CSMD3: variants seen among roughly 807,000 people sequenced by gnomAD.
CSMD3 encodes the protein CUB and Sushi multiple domains 3.
CSMD3 carries 177 observed loss-of-function variants against 435.2 expected under a neutral mutation model. The observed-to-expected ratio is 0.41, with a 90% CI of 0.36 to 0.46. The LOEUF (loss-of-function observed/expected upper bound fraction) is 0.46, where lower values mean the gene tolerates loss of function less well. Among genes scored for constraint, CSMD3 ranks in the 20% least tolerant of loss-of-function variants. The probability of loss-of-function intolerance (pLI) is 0.34; values close to 1 mark genes in which losing one functional copy is unlikely to be tolerated. For missense variants in CSMD3, 4,265 were observed against 4,504.6 expected, an observed-to-expected ratio of 0.95 and a Z score of 1.52; for synonymous variants, 1,656 against 1,520.5, an observed-to-expected ratio of 1.09 and a Z score of -2.07.
chr8:113,341,443 A>C (rs551600391), intron 1 of CSMD3, among the ~76,000 whole-genome samples: 1 of 152,316 alleles, frequency 6.6e-6, no homozygotes, highest in Admixed American at 6.5e-5. Context: ...TCAACAGTTC[A>C]AGGCAATATT....
At chr8:112,543,322 G>A (rs1034516824) in intron 27 of CSMD3, among the ~76,000 whole-genome samples, 1 of 152,000 alleles carries the variant, frequency 6.6e-6, no homozygotes, top group African/African-American at 2.4e-5. Flanking sequence ...TGGAATGGGA[G>A]AAAATATTTT....
chr8:112,242,647 T>C (rs1257332024), intron 65 of CSMD3, among the ~76,000 whole-genome samples: 4 of 152,084 alleles, frequency 2.6e-5, no homozygotes, highest in Admixed American at 6.6e-5. Flanking sequence ...TGTGTAACTA[T>C]AGGATGGTAA....
chr8:112,611,102 G>C (rs1484432666), intron 22 of CSMD3, among the ~76,000 whole-genome samples: 1 of 152,168 alleles, frequency 6.6e-6, no homozygotes, highest in African/African-American at 2.4e-5. Context: ...AACAAAATCA[G>C]TATGTGAACA....
intron 59 of CSMD3, among the ~76,000 whole-genome samples, chr8:112,273,424 A>G (rs1206032261): frequency 6.6e-6 from 1 of 152,102 alleles, no homozygotes; most frequent in African/African-American, 2.4e-5. Flanking sequence ...TGTAGGCCCT[A>G]TCTGCAAGTA....
chr8:112,868,795 A>C lies in CSMD3; in HGVS notation c.1634-9529T>G, dbSNP rs538853482. Among the ~76,000 whole-genome samples the C allele has an allele frequency of 8.5e-5, 13 of 152,274 alleles. No individual in the cohort carries two copies. In the South Asian group the frequency reaches 2.5e-3, roughly 29 times the overall value. ...GTCTCTTCAACAAGTGGTGTTGAGA[A>C]AATTGAATATCCACTTGCAAAATAA... is the stretch of plus-strand genomic sequence containing the variant. On this transcript the variant is annotated intron_variant, in intron 10 of 70. Coordinates refer to ENST00000297405, the MANE Select transcript of CSMD3 (RefSeq NM_198123.2).
At chr8:112,816,923 AAC>A (rs1309808339) in intron 12 of CSMD3, among the ~76,000 whole-genome samples, 2 of 151,982 alleles carry the variant, frequency 1.3e-5, no homozygotes. Context: ...AGCCTAAACT[AAC>A]ATATTTCTGA....
chr8:113,244,924 G>T (rs530925653), intron 3 of CSMD3, among the ~76,000 whole-genome samples: 2 of 151,848 alleles, frequency 1.3e-5, no homozygotes, highest in Non-Finnish European at 2.9e-5. Flanking sequence ...TTGTTATATT[G>T]TTCCTGTTAC....
chr8:112,863,856 A>C (rs1454556886), intron 10 of CSMD3, among the ~76,000 whole-genome samples: 1 of 105,808 alleles, frequency 9.5e-6, no homozygotes, highest in Non-Finnish European at 1.8e-5. Flanking sequence ...GAAAAATAGA[A>C]ATAGTAGAAA....
At chr8:113,250,827 T>C (rs2093328244) in intron 3 of CSMD3, among the ~76,000 whole-genome samples, 1 of 152,060 alleles carries the variant, frequency 6.6e-6, no homozygotes, top group Non-Finnish European at 1.5e-5. Flanking sequence ...AGAGTGACTG[T>C]TGCTCACAGC....
Position 113,043,569 on chromosome 8 carries a change from A to G in CSMD3, c.918-24390T>C, listed in dbSNP as rs867857376. On this transcript the variant is annotated intron_variant, in intron 5 of 70. Coordinates refer to ENST00000297405, the MANE Select transcript of CSMD3 (RefSeq NM_198123.2). ...ATATTCCCCCTTCCCTATTTCATCCACACTGTTTTAAAGCCTTTGACTGAC... is the reference window on the plus strand; with the variant it reads ...ATATTCCCCCTTCCCTATTTCATCCGCACTGTTTTAAAGCCTTTGACTGAC... Among the ~76,000 whole-genome samples the G allele has an allele frequency of 1.1e-4, 17 of 151,460 alleles. No individual in the cohort carries two copies. In the South Asian group the frequency reaches 1.5e-3, roughly 13 times the overall value.
At chr8:112,318,797 A>G (rs955112682) in intron 47 of CSMD3, 40 bp downstream of exon 47, 2 of 1,352,860 alleles carry the variant, frequency 1.5e-6, no homozygotes, top group Non-Finnish European at 2.1e-6. Context: ...ACATAAAGCA[A>G]ATATTTAAGA....
At chr8:113,399,106 T>TATATAAAC (rs773585004) in intron 1 of CSMD3, among the ~76,000 whole-genome samples, 1 of 95,096 alleles carries the variant, frequency 1.1e-5, no homozygotes, top group Non-Finnish European at 2.0e-5. Context: ...TATATATATA[T>TATATAAAC]ACACACACAC....
chr8:112,830,518 A>G, intron 11 of CSMD3, among the ~76,000 whole-genome samples: 1 of 152,250 alleles, frequency 6.6e-6, no homozygotes, highest in African/African-American at 2.4e-5. Flanking sequence ...TATAATATTG[A>G]AAAAATGTAA....
intron 6 of CSMD3, among the ~76,000 whole-genome samples, chr8:113,008,828 AACCT>A (rs1387845750): frequency 6.6e-5 from 10 of 151,402 alleles, no homozygotes; most frequent in South Asian, 2.1e-4. Flanking sequence ...AATTGCTAAC[AACCT>A]ATTTATTATA....
At chr8:112,844,504 C>T (rs1054854786) in intron 11 of CSMD3, among the ~76,000 whole-genome samples, 1 of 151,954 alleles carries the variant, frequency 6.6e-6, no homozygotes, top group African/African-American at 2.4e-5. Flanking sequence ...TTTGAAGCAA[C>T]ATCAAGGAAT....
chr8:112,704,872 G>T (rs1203938498), intron 13 of CSMD3, among the ~76,000 whole-genome samples: 2 of 152,052 alleles, frequency 1.3e-5, no homozygotes, highest in Admixed American at 6.6e-5. Context: ...AAGAGCTAAT[G>T]CTCTAACATA....
chr8:112,428,983 T>C (rs1813373972), intron 32 of CSMD3, among the ~76,000 whole-genome samples: 1 of 152,126 alleles, frequency 6.6e-6, no homozygotes, highest in African/African-American at 2.4e-5. Context: ...ACATGAATTG[T>C]GGAATTGTTG....
At chr8:113,342,081 AG>A (rs990839177) in intron 1 of CSMD3, among the ~76,000 whole-genome samples, 2 of 152,070 alleles carry the variant, frequency 1.3e-5, no homozygotes, top group Admixed American at 6.6e-5. Context: ...AAGATTAAAA[AG>A]AAAAAAAAAA....
Position 113,023,561 on chromosome 8 carries a change from A to T in CSMD3, c.918-4382T>A, listed in dbSNP as rs534842529. Among the ~76,000 whole-genome samples the T allele has an allele frequency of 3.3e-5, 5 of 152,154 alleles. 1 individual carries two copies. In the South Asian group the frequency reaches 1.0e-3, roughly 32 times the overall value. The stretch of plus-strand genomic sequence containing the variant: ...CTTGTTAGATTATGGCCCTATGTTG[A>T]GCTGCTATTAGTTGCTCAAATTTTA... On this transcript the variant is annotated intron_variant, in intron 5 of 70. Coordinates refer to ENST00000297405, the MANE Select transcript of CSMD3 (RefSeq NM_198123.2).
Sources: allele counts gnomAD v4.1 joint callset (sites outside exome capture counted in the v4.1 genomes callset), GRCh38; gene constraint gnomAD v4.1.1; transcripts MANE v1.5; gene names NCBI Gene and HGNC (gene_info 2026-07-23, HGNC 2026-07-21).